The following RGS12 variants were observed in gnomAD, a reference collection of about 807,000 sequenced individuals.
RGS12 encodes the protein regulator of G protein signaling 12.
Under a neutral mutation model 120.1 loss-of-function variants are expected in RGS12, and 66 were observed. That is an observed-to-expected ratio of 0.55 (90% CI 0.45 to 0.67). RGS12 has a LOEUF of 0.67. Ranked by LOEUF, RGS12 falls within the 30% of genes least tolerant of loss-of-function variation. The probability of loss-of-function intolerance (pLI) is 0.00; values close to 1 mark genes in which losing one functional copy is unlikely to be tolerated. For synonymous variants in RGS12, 827 were observed against 804.7 expected (o/e 1.03, Z -0.47); for missense variants, 1,859 against 1,957.7 (o/e 0.95, Z 0.95).
intron 17 of RGS12, chr4:3,431,901 G>C: frequency 2.0e-6 from 2 of 985,526 alleles, no homozygotes; most frequent in Non-Finnish European, 2.4e-6. Context: ...CCTGGACCTC[G>C]CCGGGGGACC....
At chr4:3,414,920 G>A (rs1722178333) in intron 6 of RGS12, 76 bp downstream of exon 6, 7 of 1,077,662 alleles carry the variant, frequency 6.5e-6, no homozygotes, top group Admixed American at 1.7e-5. Flanking sequence ...GTGTGTGAGA[G>A]GGCCACGTGT....
intron 3 of RGS12, among the ~76,000 whole-genome samples, chr4:3,352,857 A>T (rs982006328): frequency 6.6e-6 from 1 of 152,206 alleles, no homozygotes; most frequent in African/African-American, 2.4e-5. Flanking sequence ...GGTTTTTAAC[A>T]TAGTGACTCC....
intron 3 of RGS12, among the ~76,000 whole-genome samples, chr4:3,355,533 G>T (rs532755776): frequency 2.0e-5 from 3 of 152,124 alleles, no homozygotes; most frequent in Admixed American, 1.3e-4. Context: ...GGTGGCTCAC[G>T]CCTGTAATCC....
At chr4:3,416,289 G>A (rs933757464) in intron 7 of RGS12, among the ~76,000 whole-genome samples, 168 bp downstream of exon 7, 5 of 151,774 alleles carry the variant, frequency 3.3e-5, no homozygotes, top group African/African-American at 4.9e-5. Flanking sequence ...GTAGAGAAAC[G>A]CAGACAGAAA....
Position 3,317,193 on chromosome 4 carries a change from G to T in RGS12, c.1023G>T (p.Met341Ile), listed in dbSNP as rs773073836. The T allele has an allele frequency of 8.1e-6, 13 of 1,614,192 alleles. No homozygotes were observed. The highest frequency in any genetic ancestry group is 1.0e-5 in the Non-Finnish European group (12 of 1,180,050). ...TGCGGACTTCCTGCCACGTGTTCAT[G>T]GTGGACCCAGACTTGTTTAATCACA... ...GALRTSCHVF[M>I]VDPDLFNHKI... Residue 341 changes from methionine (M) to isoleucine (I), a missense_variant, in exon 2 of 18, where the codon ATG becomes ATT. This residue lies in a region of RGS12 where 967 missense variants were observed against 994.2 expected (regional missense o/e 0.97). Coordinates refer to ENST00000336727, the MANE Select transcript of RGS12 (RefSeq NM_001394154.1).
intron 5 of RGS12, chr4:3,414,468 C>G: frequency 1.7e-6 from 1 of 599,536 alleles, no homozygotes; most frequent in South Asian, 2.2e-5. Context: ...CCCTCCCGCT[C>G]TCTACTGGGG....
chr4:3,423,973 G>A (rs977502806), intron 13 of RGS12: 7 of 221,948 alleles, frequency 3.2e-5, no homozygotes, highest in South Asian at 2.4e-4. Flanking sequence ...AAGAGAGTGC[G>A]GATGGCCCTG....
intron 5 of RGS12, 26 bp from the exon 6 acceptor site, chr4:3,414,720 GTGTTAA>G (rs779288881): frequency 1.4e-6 from 2 of 1,459,430 alleles, no homozygotes; most frequent in South Asian, 2.3e-5. Flanking sequence ...CCCTGTGTCA[GTGTTAA>G]TAAATGGTGT....
chr4:3,375,274 G>GC (rs1197173888), intron 3 of RGS12, among the ~76,000 whole-genome samples: 8 of 132,172 alleles, frequency 6.1e-5, no homozygotes, highest in African/African-American at 1.8e-4. Context: ...CTCATCTCCA[G>GC]CCTCATCTCC....
intron 3 of RGS12, among the ~76,000 whole-genome samples, chr4:3,362,585 A>C (rs1417331808): frequency 1.8e-5 from 2 of 110,948 alleles, no homozygotes; most frequent in East Asian, 5.8e-4. Context: ...TGAGGGTGTG[A>C]GGGTGTGTGT....
upstream of RGS12, among the ~76,000 whole-genome samples, chr4:3,290,528 C>G (rs757493917): frequency 6.6e-6 from 1 of 152,242 alleles, no homozygotes; most frequent in Non-Finnish European, 1.5e-5. Flanking sequence ...TCATCCGTGT[C>G]GTAGCCTGTG....
intron 3 of RGS12, among the ~76,000 whole-genome samples, chr4:3,371,812 C>T (rs1316519226): frequency 6.6e-6 from 1 of 152,180 alleles, no homozygotes; most frequent in African/African-American, 2.4e-5. Context: ...TCAGGGAATG[C>T]TGGGGTGCCG....
At chr4:3,388,084 A>T (rs6828057) in intron 4 of RGS12, among the ~76,000 whole-genome samples, 6 of 151,834 alleles carry the variant, frequency 4.0e-5, no homozygotes, top group Non-Finnish European at 1.5e-5. Context: ...CTGGCCACGC[A>T]GAGATCCCCT....
chr4:3,311,913 T>A (rs2110388455), intron 1 of RGS12, among the ~76,000 whole-genome samples: 1 of 152,324 alleles, frequency 6.6e-6, no homozygotes, highest in African/African-American at 2.4e-5. Flanking sequence ...GACCTTCGTG[T>A]CACATCCCAT....
intron 14 of RGS12, 96 bp from the exon 15 acceptor site, chr4:3,427,994 A>G (rs949485238): frequency 1.9e-5 from 23 of 1,191,750 alleles, no homozygotes; most frequent in Non-Finnish European, 2.5e-5. Flanking sequence ...TGGCTTCTCT[A>G]CAGCTTTGCT....
At chr4:3,302,699 C>G (rs1480770866) in intron 1 of RGS12, among the ~76,000 whole-genome samples, 2 of 152,198 alleles carry the variant, frequency 1.3e-5, no homozygotes, top group African/African-American at 2.4e-5. Context: ...CAGGAGTGAA[C>G]AGGCACAGCC....
chr4:3,316,249 C>T lies in RGS12; in HGVS notation c.79C>T (p.Arg27Trp), dbSNP rs200056918. The change falls in exon 2 of 18, where the codon CGG becomes TGG. Residue 27 changes from arginine to tryptophan, a missense_variant. Physicochemically the swap from Arg to Trp is moderately radical, Grantham distance 101. Coordinates refer to ENST00000336727, the MANE Select transcript of RGS12 (RefSeq NM_001394154.1). Reference sequence around the variant, plus strand: ...AAGGGTGCGGAGTGTGGAGGTTGCCCGGGGGAGGGCCGGCTACGGATTCAC... The same window carrying T: ...AAGGGTGCGGAGTGTGGAGGTTGCCTGGGGGAGGGCCGGCTACGGATTCAC... Reference protein sequence around the residue: ...PPRVRSVEVARGRAGYGFTLS... With the variant: ...PPRVRSVEVAWGRAGYGFTLS... 400 of 1,612,962 alleles carry T rather than the reference C, an allele frequency of 2.5e-4. No individual in the cohort carries two copies. Among genetic ancestry groups the T allele is most frequent in the Middle Eastern group, 5.0e-4 (3 of 6,060 alleles).
intron 2 of RGS12, among the ~76,000 whole-genome samples, chr4:3,318,330 G>C (rs1724948911): frequency 6.6e-6 from 1 of 152,306 alleles, no homozygotes; most frequent in Admixed American, 6.5e-5. Context: ...GTGGCGAGAG[G>C]GAAGTTGTTG....
At chr4:3,350,740 G>C (rs1263280908) in intron 3 of RGS12, among the ~76,000 whole-genome samples, 1 of 152,010 alleles carries the variant, frequency 6.6e-6, no homozygotes, top group Non-Finnish European at 1.5e-5. Context: ...GAACTAAAAA[G>C]CATTTGGGTT....
Sources: allele counts gnomAD v4.1 joint callset (sites outside exome capture counted in the v4.1 genomes callset), GRCh38; gene constraint gnomAD v4.1.1; regional missense constraint gnomAD v4.1.1; transcripts MANE v1.5; gene names NCBI Gene and HGNC (gene_info 2026-07-23, HGNC 2026-07-21).